Variants in ATE1 observed in about 807,000 individuals in gnomAD.
The protein encoded by ATE1 is arginyl-tRNA--protein transferase 1.
In ATE1, 36 loss-of-function variants were observed where a neutral mutation model predicts 70.5. The ratio of observed to expected loss-of-function variants is 0.51; its 90% confidence interval spans 0.39 to 0.67. The LOEUF is 0.67. Ranked by LOEUF, ATE1 falls within the 30% of genes least tolerant of loss-of-function variation. The pLI, the probability that ATE1 is intolerant of heterozygous loss-of-function variation, is 0.00. For missense variants in ATE1, 593 were observed against 629.5 expected (o/e 0.94, Z 0.62); for synonymous variants, 232 against 219.3 (o/e 1.06, Z -0.51).
intron 11 of ATE1, among the ~76,000 whole-genome samples, chr10:121,769,280 G>A (rs74482688): frequency 0.013 from 1,945 of 152,272 alleles, 46 homozygotes; most frequent in African/African-American, 0.045. Flanking sequence ...AGTTGCAAAA[G>A]TAATTCATGA....
chr10:121,874,981 G>GAA (rs771548510), intron 7 of ATE1, among the ~76,000 whole-genome samples: 2 of 89,012 alleles, frequency 2.2e-5, no homozygotes, highest in Admixed American at 1.3e-4. Context: ...TCTACTAAAA[G>GAA]AAAAAAAAAA....
chr10:121,863,524 T>C lies in ATE1; in HGVS notation c.975+6482A>G, dbSNP rs528881130. Among the ~76,000 whole-genome samples, 162 of 152,328 alleles carry C rather than the reference T, an allele frequency of 1.1e-3. 1 individual carries two copies. Among genetic ancestry groups the C allele is most frequent in the African/African-American group, 3.6e-3 (150 of 41,584 alleles). On this transcript the variant is annotated intron_variant, in intron 8 of 11. Coordinates refer to ENST00000224652, the MANE Select transcript of ATE1 (RefSeq NM_001001976.3). Reference sequence around the variant, plus strand: ...CCTCGACCTCCAAAAGTGCTGGGATTACAGGCGTGAGCCACAGCGCCCAGC... The same window carrying C: ...CCTCGACCTCCAAAAGTGCTGGGATCACAGGCGTGAGCCACAGCGCCCAGC...
At chr10:121,871,269 G>A (rs1949847256) in intron 7 of ATE1, among the ~76,000 whole-genome samples, 2 of 152,214 alleles carry the variant, frequency 1.3e-5, no homozygotes, top group African/African-American at 4.8e-5. Flanking sequence ...GTCGAGCCTG[G>A]CCAACATGGT....
intron 10 of ATE1, among the ~76,000 whole-genome samples, chr10:121,823,686 T>C (rs926312833): frequency 6.6e-6 from 1 of 152,206 alleles, no homozygotes; most frequent in African/African-American, 2.4e-5. Context: ...TTTTCCAAGG[T>C]TGGGAATCAG....
chr10:121,884,054 C>T lies in ATE1; in HGVS notation c.943-14016G>A, dbSNP rs535261665. On this transcript the variant is annotated intron_variant, in intron 7 of 11. Coordinates refer to ENST00000224652, the MANE Select transcript of ATE1 (RefSeq NM_001001976.3). ...CTCGGAGGCAGAGGTTGCAGTGAGC[C>T]GAGATGGCACCACTGCACTCCAGTC... 1.5e-4 allele frequency among the ~76,000 whole-genome samples: 19 copies of T among 123,824 alleles called. No individual in the cohort carries two copies. The South Asian group carries it at 4.3e-3, about 28-fold the overall frequency. 81.2% of individuals were successfully genotyped at this position (123,824 alleles called of 152,430 possible). A position where few individuals can be genotyped will look rare whatever the true frequency, so the allele number is the denominator to read the frequency against.
chr10:121,924,699 CAA>C (rs374852378), intron 1 of ATE1, among the ~76,000 whole-genome samples: 17 of 86,400 alleles, frequency 2.0e-4, no homozygotes, highest in Non-Finnish European at 2.0e-4. Context: ...GACTCCATCT[CAA>C]AAAAAAAAAA....
In ATE1 at chr10:121,899,791, C is replaced by G. The variant is rs796885344; in HGVS notation, c.942+75G>C. ...CAAATAAAATGTAGCACAAATAAACCAAGATTTCATTAAATGATATTAAGT... is the reference window on the plus strand; with the variant it reads ...CAAATAAAATGTAGCACAAATAAACGAAGATTTCATTAAATGATATTAAGT... On this transcript the variant is annotated intron_variant, in intron 7 of 11. Coordinates refer to ENST00000224652, the MANE Select transcript of ATE1 (RefSeq NM_001001976.3). 7.2e-6 allele frequency: 11 copies of G among 1,530,894 alleles called. No homozygotes were observed. In the African/African-American group the frequency reaches 1.4e-4, roughly 19 times the overall value. 94.8% of individuals were successfully genotyped at this position (1,530,894 alleles called of 1,614,324 possible). A position where few individuals can be genotyped will look rare whatever the true frequency, so the allele number is the denominator to read the frequency against.
intron 7 of ATE1, among the ~76,000 whole-genome samples, chr10:121,885,735 A>G (rs12250125): frequency 0.13 from 19,980 of 151,714 alleles, 1,514 homozygotes; most frequent in East Asian, 0.19. Context: ...CCCTGTCCCT[A>G]CTAAAAATAC....
In ATE1 at chr10:121,906,109, C is replaced by T. The variant is rs923171198; in HGVS notation, c.584-3489G>A. ...TATTTTTTAAATTAAAATGGAAATGCAAGCTAGCCATGATGGCTCATGTCT... is the reference window on the plus strand; with the variant it reads ...TATTTTTTAAATTAAAATGGAAATGTAAGCTAGCCATGATGGCTCATGTCT... On this transcript the variant is annotated intron_variant, in intron 5 of 11. Coordinates refer to ENST00000224652, the MANE Select transcript of ATE1 (RefSeq NM_001001976.3). 3.9e-5 allele frequency among the ~76,000 whole-genome samples: 6 copies of T among 152,068 alleles called. No individual in the cohort carries two copies. In the South Asian group the frequency reaches 6.2e-4, roughly 16 times the overall value.
chr10:121,747,136 A>G (rs143515562), intron 11 of ATE1, among the ~76,000 whole-genome samples: 155 of 152,326 alleles, frequency 1.0e-3, no homozygotes, highest in Non-Finnish European at 1.7e-3. Context: ...AGGAACATCA[A>G]CGATGCCAGC....
chr10:121,887,598 T>C (rs940165217), intron 7 of ATE1, among the ~76,000 whole-genome samples: 2 of 152,022 alleles, frequency 1.3e-5, no homozygotes, highest in Non-Finnish European at 2.9e-5. Context: ...CCTAGCTACT[T>C]AGGAGGCTGA....
intron 6 of ATE1, among the ~76,000 whole-genome samples, chr10:121,901,216 G>A (rs1473201761): frequency 2.6e-5 from 4 of 151,988 alleles, no homozygotes; most frequent in South Asian, 2.1e-4. Context: ...GCAGTGAGCC[G>A]AGATCGCGCC....
chr10:121,878,391 G>A lies in ATE1; in HGVS notation c.943-8353C>T, dbSNP rs186105701. 2.7e-3 allele frequency among the ~76,000 whole-genome samples: 406 copies of A among 152,050 alleles called. 4 individuals are homozygous for A. Among genetic ancestry groups the A allele is most frequent in the African/African-American group, 9.3e-3 (387 of 41,476 alleles). ...GTAGACTGCTTGAGGCCAGGAGTTC[G>A]AGACCAGCCTGGTCAACATGGCAAA... On this transcript the variant is annotated intron_variant, in intron 7 of 11. Coordinates refer to ENST00000224652, the MANE Select transcript of ATE1 (RefSeq NM_001001976.3).
chr10:121,780,069 C>T lies in ATE1; in HGVS notation c.1378+10100G>A, dbSNP rs187287304. ...GCAATCTCACTCACTCTTAGGGCTG[C>T]CACTCATGGACCATGTCTCCCAAAT... On this transcript the variant is annotated intron_variant, in intron 11 of 11. Transcript: ENST00000224652. 4.3e-4 allele frequency among the ~76,000 whole-genome samples: 66 copies of T among 152,292 alleles called. 1 individual carries two copies. The East Asian group carries it at 0.01, about 23-fold the overall frequency.
At chr10:121,840,792 T>C (rs991300000) in intron 9 of ATE1, among the ~76,000 whole-genome samples, 6 of 150,456 alleles carry the variant, frequency 4.0e-5, no homozygotes, top group Non-Finnish European at 4.4e-5. Context: ...ATATTTCCTA[T>C]AAACTAGTTA....
At chr10:121,777,639 C>G (rs1218757556) in intron 11 of ATE1, among the ~76,000 whole-genome samples, 1 of 152,156 alleles carries the variant, frequency 6.6e-6, no homozygotes, top group African/African-American at 2.4e-5. Context: ...TATCCTGCAA[C>G]CTTGCTAAAA....
chr10:121,851,125 A>G (rs535653804), intron 8 of ATE1, among the ~76,000 whole-genome samples: 9 of 114,302 alleles, frequency 7.9e-5, no homozygotes, highest in Admixed American at 4.4e-4. Context: ...AAAAAAAAAG[A>G]ATTTCAGTGT....
At chr10:121,765,472 C>T (rs1287929850) in intron 11 of ATE1, among the ~76,000 whole-genome samples, 1 of 152,114 alleles carries the variant, frequency 6.6e-6, no homozygotes, top group African/African-American at 2.4e-5. Context: ...TTAGACTGTG[C>T]GAGTGGGGCC....
In ATE1 at chr10:121,743,401, A is replaced by G; in HGVS notation, c.*279T>C. 2.6e-6 allele frequency: 1 copy of G among 382,694 alleles called. No homozygotes were observed. Among genetic ancestry groups the G allele is most frequent in the Non-Finnish European group, 4.0e-6 (1 of 250,890 alleles). 23.7% of individuals were successfully genotyped at this position (382,694 alleles called of 1,614,324 possible). On this transcript the variant is annotated 3_prime_UTR_variant, in exon 12 of 12. Coordinates refer to ENST00000224652, the MANE Select transcript of ATE1 (RefSeq NM_001001976.3). Reference sequence around the variant, plus strand: ...CACTTCTTCATTTTACAAAATACAAACAGGAGAATTTGAGCGTATCTTGCT... The same window carrying G: ...CACTTCTTCATTTTACAAAATACAAGCAGGAGAATTTGAGCGTATCTTGCT...
Sources: gnomAD v4.1 joint callset for allele counts (sites outside exome capture counted in the v4.1 genomes callset) on GRCh38, gnomAD v4.1.1 for gene constraint, MANE v1.5 for transcripts, NCBI Gene and HGNC (gene_info 2026-07-23, HGNC 2026-07-21) for gene names.